FBXL17: variants seen among roughly 807,000 people sequenced by gnomAD.
FBXL17 encodes F-box/LRR-repeat protein 17.
In FBXL17, 22 loss-of-function variants were observed where a neutral mutation model predicts 66.2. That is an observed-to-expected ratio of 0.33 (90% CI 0.24 to 0.47). The LOEUF is 0.47. Among genes scored for constraint, FBXL17 ranks in the 20% least tolerant of loss-of-function variants. FBXL17 has a pLI of 1.00. For synonymous variants in FBXL17, 474 were observed against 400.5 expected (o/e 1.18, Z -2.19); for missense variants, 878 against 948.2 (o/e 0.93, Z 0.97).
chr5:108,258,427 T>C (rs1756668977), intron 4 of FBXL17, among the ~76,000 whole-genome samples: 1 of 152,190 alleles, frequency 6.6e-6, no homozygotes, highest in Non-Finnish European at 1.5e-5. Context: ...GGAACAAAGT[T>C]AGTTTTCTTC....
chr5:108,328,406 T>C lies in FBXL17; in HGVS notation c.1506+19993A>G, dbSNP rs187599401. Reference sequence around the variant, plus strand: ...GTGCCTCTTGGTTTCATCAAAATTATCAACAAGATAACATAAAAAGGGCAG... The same window carrying C: ...GTGCCTCTTGGTTTCATCAAAATTACCAACAAGATAACATAAAAAGGGCAG... On this transcript the variant is annotated intron_variant, in intron 4 of 8. Coordinates refer to ENST00000542267, the MANE Select transcript of FBXL17 (RefSeq NM_001163315.3). Among the ~76,000 whole-genome samples the C allele has an allele frequency of 2.8e-4, 43 of 152,076 alleles. No homozygotes were observed. In the South Asian group the frequency reaches 7.1e-3, roughly 25 times the overall value.
intron 6 of FBXL17, among the ~76,000 whole-genome samples, chr5:108,096,939 G>A (rs1246958509): frequency 6.6e-6 from 1 of 152,190 alleles, no homozygotes; most frequent in African/African-American, 2.4e-5. Context: ...GCACATGCAT[G>A]GGGCATTTAG....
intron 4 of FBXL17, among the ~76,000 whole-genome samples, chr5:108,270,673 C>T (rs1440558653): frequency 6.6e-6 from 1 of 151,826 alleles, no homozygotes; most frequent in Non-Finnish European, 1.5e-5. Context: ...AGTACGTTAA[C>T]AGTTATGTTA....
At chr5:108,366,183 G>A (rs1004894368) in intron 2 of FBXL17, among the ~76,000 whole-genome samples, 3 of 151,936 alleles carry the variant, frequency 2.0e-5, no homozygotes, top group Admixed American at 1.3e-4. Flanking sequence ...ATATAGGAAC[G>A]TCCACATCAA....
chr5:108,170,116 A>G (rs1752551949), intron 6 of FBXL17, among the ~76,000 whole-genome samples: 1 of 152,236 alleles, frequency 6.6e-6, no homozygotes, highest in Non-Finnish European at 1.5e-5. Context: ...ACAATACAAT[A>G]TTAAAATCAT....
At chr5:108,112,412 A>C (rs889854790) in intron 6 of FBXL17, among the ~76,000 whole-genome samples, 4 of 152,216 alleles carry the variant, frequency 2.6e-5, no homozygotes, top group Admixed American at 6.5e-5. Flanking sequence ...TGGCTGAATT[A>C]GCCCTTGACT....
intron 5 of FBXL17, among the ~76,000 whole-genome samples, chr5:108,205,476 G>A (rs1754079112): frequency 6.6e-6 from 1 of 152,096 alleles, no homozygotes; most frequent in Non-Finnish European, 1.5e-5. Flanking sequence ...ATATTTTAAT[G>A]TTGTTTTGTT....
At chr5:108,353,353 C>G (rs1211154595) in intron 3 of FBXL17, among the ~76,000 whole-genome samples, 1 of 152,154 alleles carries the variant, frequency 6.6e-6, no homozygotes. Context: ...AAAACCTGAA[C>G]TCTGCATTTG....
chr5:108,299,666 AGGCC>A, intron 4 of FBXL17: 7 of 981,202 alleles, frequency 7.1e-6, no homozygotes, highest in Non-Finnish European at 7.3e-6. Context: ...AAAAAAAAAA[AGGCC>A]AGCCTGCCCC....
chr5:108,354,294 A>G (rs1747823535), intron 3 of FBXL17, among the ~76,000 whole-genome samples: 2 of 152,200 alleles, frequency 1.3e-5, no homozygotes, highest in Admixed American at 1.3e-4. Context: ...TTTTAAAACT[A>G]CAATTAATAT....
At chr5:108,268,074 C>T (rs868642285) in intron 4 of FBXL17, among the ~76,000 whole-genome samples, 1 of 151,956 alleles carries the variant, frequency 6.6e-6, no homozygotes, top group African/African-American at 2.4e-5. Flanking sequence ...ATGTCCCATC[C>T]TCTAGTATAG....
chr5:108,081,870 G>C (rs1406497291), intron 6 of FBXL17, among the ~76,000 whole-genome samples: 1 of 144,564 alleles, frequency 6.9e-6, no homozygotes, highest in Non-Finnish European at 1.5e-5. Flanking sequence ...CTTCCCTCCC[G>C]CTTCTACTCT....
chr5:108,005,328 C>T (rs1169347981), intron 7 of FBXL17, among the ~76,000 whole-genome samples: 5 of 152,114 alleles, frequency 3.3e-5, no homozygotes, highest in Non-Finnish European at 4.4e-5. Flanking sequence ...GGGAGGATTT[C>T]AGAAACAGCA....
At chr5:108,026,402 G>C (rs73778623) in intron 6 of FBXL17, among the ~76,000 whole-genome samples, 6,901 of 152,152 alleles carry the variant, frequency 0.045, 542 homozygotes, top group African/African-American at 0.16. Flanking sequence ...GTATTTTACA[G>C]TATACTTTTT....
chr5:107,988,190 A>G (rs1481484840), intron 7 of FBXL17, among the ~76,000 whole-genome samples: 1 of 152,028 alleles, frequency 6.6e-6, no homozygotes, highest in East Asian at 1.9e-4. Flanking sequence ...TCCTGCGTAT[A>G]ATACAGTTAC....
chr5:108,253,436 A>G (rs1756444937), intron 4 of FBXL17, among the ~76,000 whole-genome samples: 1 of 152,168 alleles, frequency 6.6e-6, no homozygotes. Flanking sequence ...AAAGTTCTTC[A>G]GATTACAGGA....
At chr5:108,005,739 C>T (rs1170631103) in intron 7 of FBXL17, among the ~76,000 whole-genome samples, 1 of 152,136 alleles carries the variant, frequency 6.6e-6, no homozygotes, top group Non-Finnish European at 1.5e-5. Flanking sequence ...CCATTGCTTT[C>T]GATTACCTGA....
chr5:107,880,697 G>A lies in FBXL17; in HGVS notation c.1965+340C>T, dbSNP rs894547832. 19 of 1,256,040 alleles carry A rather than the reference G, an allele frequency of 1.5e-5. 1 individual carries two copies. Among genetic ancestry groups the A allele is most frequent in the East Asian group, 1.3e-4 (4 of 31,740 alleles). The allele number at this position is 1,256,040 out of a possible 1,614,324, so 77.8% of individuals were successfully genotyped here. The stretch of plus-strand genomic sequence containing the variant: ...CTTGAAACCCAGAATACAATTTTAC[G>A]GTTAGACCCTGCAAATTGCAGTTTG... On this transcript the variant is annotated intron_variant, in intron 8 of 8. Coordinates refer to ENST00000542267, the MANE Select transcript of FBXL17 (RefSeq NM_001163315.3).
chr5:107,965,430 G>C (rs1752086799), intron 7 of FBXL17, among the ~76,000 whole-genome samples: 1 of 152,048 alleles, frequency 6.6e-6, no homozygotes, highest in Non-Finnish European at 1.5e-5. Context: ...AACAATGCCT[G>C]TTAAATCAAT....
Sources: allele counts gnomAD v4.1 joint callset (sites outside exome capture counted in the v4.1 genomes callset), GRCh38; gene constraint gnomAD v4.1.1; transcripts MANE v1.5; gene names NCBI Gene and HGNC (gene_info 2026-07-23, HGNC 2026-07-21).